IQCJ: variants seen among roughly 807,000 people sequenced by gnomAD.
IQCJ encodes the protein IQ domain-containing protein J.
A neutral mutation model predicts 11.0 loss-of-function variants in IQCJ; 9 were observed. The ratio of observed to expected loss-of-function variants is 0.82; its 90% CI spans 0.49 to 1.43. IQCJ has a LOEUF of 1.43. IQCJ is among the 40% of genes most tolerant of loss of function. IQCJ has a pLI of 0.00. For missense variants in IQCJ, 146 were observed against 133.2 expected (o/e 1.10, Z -0.47); for synonymous variants, 55 against 51.3 (o/e 1.07, Z -0.31).
intron 1 of IQCJ, among the ~76,000 whole-genome samples, chr3:159,111,471 G>A (rs1267698444): frequency 6.6e-6 from 1 of 152,188 alleles, no homozygotes; most frequent in East Asian, 1.9e-4. Context: ...GGGGTTACAT[G>A]TGTGTTCTGG....
intron 1 of IQCJ, among the ~76,000 whole-genome samples, chr3:159,111,886 G>A (rs1718656079): frequency 6.6e-6 from 1 of 151,976 alleles, no homozygotes; most frequent in African/African-American, 2.4e-5. Context: ...TATGGGTTTA[G>A]TTTTACATTT....
intron 2 of IQCJ, among the ~76,000 whole-genome samples, chr3:159,246,201 G>A (rs1419221216): frequency 4.6e-5 from 7 of 152,124 alleles, no homozygotes; most frequent in South Asian, 4.1e-4. Context: ...TTTAATCAGG[G>A]ACATTTGTAG....
intron 1 of IQCJ, among the ~76,000 whole-genome samples, chr3:159,082,007 A>G (rs1163567275): frequency 6.6e-6 from 1 of 152,128 alleles, no homozygotes; most frequent in African/African-American, 2.4e-5. Flanking sequence ...CAGTAAAACA[A>G]CTTGTTGATT....
intron 1 of IQCJ, among the ~76,000 whole-genome samples, chr3:159,116,468 T>TAA (rs1462659844): frequency 6.6e-6 from 1 of 151,580 alleles, no homozygotes; most frequent in Non-Finnish European, 1.5e-5. Context: ...AGATTGTGGA[T>TAA]CTCTTAAGTT....
chr3:159,235,547 A>G (rs1244413283), intron 1 of IQCJ, among the ~76,000 whole-genome samples: 1 of 152,162 alleles, frequency 6.6e-6, no homozygotes, highest in Non-Finnish European at 1.5e-5. Context: ...AGTGGATTGC[A>G]GTTTGCTGGT....
chr3:159,135,859 C>A (rs1720260628), intron 1 of IQCJ, among the ~76,000 whole-genome samples: 1 of 152,056 alleles, frequency 6.6e-6, no homozygotes, highest in Non-Finnish European at 1.5e-5. Flanking sequence ...GTGGGCGGCA[C>A]CTTTAAGGAA....
At chr3:159,228,305 G>A (rs1725977657) in intron 1 of IQCJ, among the ~76,000 whole-genome samples, 2 of 151,976 alleles carry the variant, frequency 1.3e-5, no homozygotes, top group African/African-American at 2.4e-5. Flanking sequence ...GCTGTCTGAA[G>A]AAAAAAATAC....
chr3:159,183,663 T>G (rs73877530), intron 1 of IQCJ, among the ~76,000 whole-genome samples: 7,313 of 152,252 alleles, frequency 0.048, 578 homozygotes, highest in African/African-American at 0.17. Context: ...GCTAGTTGAG[T>G]AGCTCTCCTT....
At chr3:159,240,078 A>G (rs1361554884) in intron 1 of IQCJ, among the ~76,000 whole-genome samples, 1 of 152,204 alleles carries the variant, frequency 6.6e-6, no homozygotes, top group Non-Finnish European at 1.5e-5. Context: ...GATTAAAAAA[A>G]ATAGGTAGGA....
At chr3:159,094,330 A>G (rs1274481149) in intron 1 of IQCJ, among the ~76,000 whole-genome samples, 1 of 151,544 alleles carries the variant, frequency 6.6e-6, no homozygotes, top group Non-Finnish European at 1.5e-5. Flanking sequence ...GATATTATAG[A>G]AAAGGAAGGT....
chr3:159,171,157 C>A (rs967054989), intron 1 of IQCJ, among the ~76,000 whole-genome samples: 5 of 149,826 alleles, frequency 3.3e-5, no homozygotes, highest in South Asian at 4.2e-4. Context: ...AAAAAAAAAA[C>A]AAAACCAGCA....
chr3:159,208,809 C>T (rs1724795717), intron 1 of IQCJ, among the ~76,000 whole-genome samples: 1 of 152,138 alleles, frequency 6.6e-6, no homozygotes, highest in African/African-American at 2.4e-5. Context: ...TGAGATGAGA[C>T]AATCCTGGAT....
chr3:159,209,739 G>T (rs1724852584), intron 1 of IQCJ, among the ~76,000 whole-genome samples: 2 of 152,216 alleles, frequency 1.3e-5, no homozygotes, highest in South Asian at 4.2e-4. Context: ...GTTTGAGCTG[G>T]AAGCCAAGCA....
chr3:159,253,255 T>C (rs1449027), intron 3 of IQCJ, among the ~76,000 whole-genome samples: 50,549 of 151,920 alleles, frequency 0.33, 9,446 homozygotes, highest in Non-Finnish European at 0.43. Flanking sequence ...TTCTCTTCTT[T>C]TTTTCTCACT....
intron 1 of IQCJ, among the ~76,000 whole-genome samples, chr3:159,212,947 A>ACTTTT (rs1000542976): frequency 1.3e-5 from 2 of 152,140 alleles, no homozygotes; most frequent in East Asian, 3.8e-4. Flanking sequence ...ACCAGTAAAC[A>ACTTTT]CTTTTCTTTT....
intron 1 of IQCJ, among the ~76,000 whole-genome samples, chr3:159,212,778 AAT>A (rs1441086879): frequency 2.0e-5 from 3 of 152,154 alleles, no homozygotes; most frequent in African/African-American, 7.2e-5. Flanking sequence ...TGAAAGGGAA[AAT>A]ACTCGAAGGG....
intron 1 of IQCJ, among the ~76,000 whole-genome samples, chr3:159,225,458 C>A (rs540874876): frequency 1.3e-5 from 2 of 151,912 alleles, no homozygotes. Flanking sequence ...GCATCTTGAT[C>A]GTAGTAGTTG....
chr3:159,222,458 G>A (rs1725606659), intron 1 of IQCJ, among the ~76,000 whole-genome samples: 1 of 152,094 alleles, frequency 6.6e-6, no homozygotes. Context: ...TGTAACTTCT[G>A]CAGGTTTCCC....
chr3:159,082,387 A>G (rs1716378236), intron 1 of IQCJ, among the ~76,000 whole-genome samples: 1 of 152,008 alleles, frequency 6.6e-6, no homozygotes, highest in South Asian at 2.1e-4. Flanking sequence ...AGATGAAAAA[A>G]CAGAGGCAGT....
Sources: gnomAD v4.1 joint callset for allele counts (sites outside exome capture counted in the v4.1 genomes callset) on GRCh38, gnomAD v4.1.1 for gene constraint, MANE v1.5 for transcripts, NCBI Gene and HGNC (gene_info 2026-07-23, HGNC 2026-07-21) for gene names.